The following PTPRN2 variants were observed in gnomAD, a reference collection of about 807,000 sequenced individuals.
PTPRN2 encodes the protein receptor-type tyrosine-protein phosphatase N2.
PTPRN2 carries 74 observed loss-of-function variants against 118.8 expected under a neutral mutation model. That is an observed-to-expected ratio of 0.62 (90% CI 0.52 to 0.76). The LOEUF is 0.76. Among genes scored for constraint, PTPRN2 ranks in the 30% least tolerant of loss-of-function variants. PTPRN2 has a pLI of 0.00. For missense variants in PTPRN2, 1,481 were observed against 1,394.4 expected (o/e 1.06, Z -0.99); for synonymous variants, 641 against 608.0 (o/e 1.05, Z -0.80).
At chr7:158,405,921 C>A (rs13306928) in intron 2 of PTPRN2, among the ~76,000 whole-genome samples, 1 of 135,052 alleles carries the variant, frequency 7.4e-6, no homozygotes, top group African/African-American at 2.8e-5. Flanking sequence ...CCGTGAGACA[C>A]GTGGCCGCAC....
At chr7:158,375,230 C>T (rs1810406386) in intron 2 of PTPRN2, among the ~76,000 whole-genome samples, 1 of 152,204 alleles carries the variant, frequency 6.6e-6, no homozygotes, top group Non-Finnish European at 1.5e-5. Flanking sequence ...CAGAATTATA[C>T]CAGGCAAGTG....
chr7:158,490,468 C>T (rs569998378), intron 1 of PTPRN2, among the ~76,000 whole-genome samples: 13 of 152,342 alleles, frequency 8.5e-5, no homozygotes, highest in African/African-American at 2.9e-4. Context: ...CAGGCGACCC[C>T]AAGCCACGCA....
intron 10 of PTPRN2, among the ~76,000 whole-genome samples, chr7:158,089,591 ACACAAACCT>A (rs1813838938): frequency 1.7e-5 from 1 of 57,224 alleles, no homozygotes; most frequent in East Asian, 9.8e-4. Flanking sequence ...GGGAGTCTTC[ACACAAACCT>A]TCTTCCCCTG....
Position 157,560,964 on chromosome 7 carries a change from C to T in PTPRN2, c.2902+7938G>A, listed in dbSNP as rs540552536. 6.6e-6 allele frequency among the ~76,000 whole-genome samples: 1 copy of T among 152,320 alleles called. No homozygotes were observed. The highest frequency in any genetic ancestry group is 6.5e-5 in the Admixed American group (1 of 15,296). ...GCCTCATGCACCTGCACCTCCTTCT[C>T]TTGGTGCCTGCGCCCAAATGTGTGG... On this transcript the variant is annotated intron_variant, in intron 21 of 22. Coordinates refer to ENST00000389418, the MANE Select transcript of PTPRN2 (RefSeq NM_002847.5). The surrounding 1 kb of genome is among the most constrained non-coding windows in gnomAD (Gnocchi z 6.7).
At chr7:158,071,310 CCCA>C (rs1269991699) in intron 11 of PTPRN2, among the ~76,000 whole-genome samples, 7 of 89,698 alleles carry the variant, frequency 7.8e-5, no homozygotes, top group Admixed American at 1.2e-4. Context: ...GGTGGAGGTG[CCCA>C]TGGTAGTGGA....
rs1802836535 is a variant in PTPRN2 at position 157,617,224 on chromosome 7, AGC to A, written c.2344+4136_2344+4137del. 1.3e-5 allele frequency: 2 copies of A among 152,206 alleles called. No individual in the cohort carries two copies. Among genetic ancestry groups the A allele is most frequent in the Admixed American group, 1.3e-4 (2 of 15,282 alleles). 9.4% of individuals were successfully genotyped at this position (152,206 alleles called of 1,614,324 possible). On this transcript the variant is annotated intron_variant, in intron 15 of 22. Transcript: ENST00000389418. This position sits in a 1 kb window ranked among gnomAD's most constrained non-coding sequence, Gnocchi z 7.5. Reference sequence around the variant, plus strand: ...GTTAGGACACTGCTCACGCAGCTGCAGCGCAGAGCACGGGGGACGCTGGCTCA... The same window carrying A: ...GTTAGGACACTGCTCACGCAGCTGCAGCAGAGCACGGGGGACGCTGGCTCA...
At chr7:158,535,338 G>A (rs145970461) in intron 1 of PTPRN2, among the ~76,000 whole-genome samples, 10 of 152,248 alleles carry the variant, frequency 6.6e-5, no homozygotes, top group South Asian at 4.2e-4. Flanking sequence ...GCGTGAATTC[G>A]GGTAAGTTTC....
intron 2 of PTPRN2, among the ~76,000 whole-genome samples, chr7:158,394,344 T>C (rs1017489310): frequency 6.6e-6 from 1 of 152,182 alleles, no homozygotes; most frequent in African/African-American, 2.4e-5. Flanking sequence ...AATCCATGGC[T>C]GCTTTCAGGG....
chr7:157,682,607 C>T, intron 13 of PTPRN2, 118 bp downstream of exon 13: 1 of 1,099,080 alleles, frequency 9.1e-7, no homozygotes, highest in Non-Finnish European at 1.3e-6. Flanking sequence ...ATAAAAGACC[C>T]CAAACTATGA....
At chr7:157,555,803 G>T (rs1262105112) in intron 21 of PTPRN2, among the ~76,000 whole-genome samples, 1 of 152,208 alleles carries the variant, frequency 6.6e-6, no homozygotes, top group Non-Finnish European at 1.5e-5. Flanking sequence ...CTGAAGAAAA[G>T]CTTGGTCCTA....
intron 2 of PTPRN2, among the ~76,000 whole-genome samples, chr7:158,396,591 A>G (rs1563242389): frequency 6.6e-6 from 1 of 152,064 alleles, no homozygotes; most frequent in Non-Finnish European, 1.5e-5. Flanking sequence ...CCAGGATGTT[A>G]GAGGCCACCC....
rs1812830827 is a variant in PTPRN2 at position 158,081,380 on chromosome 7, G to A, written c.1644-3C>T. ...AGGTCACTGCTGGTCCGAGAACCCT[G>A]GAAGGGATAATTTAAAATAAGTTCA... On this transcript the variant is annotated splice_region_variant and splice_polypyrimidine_tract_variant and intron_variant, in intron 10 of 22. Coordinates refer to ENST00000389418, the MANE Select transcript of PTPRN2 (RefSeq NM_002847.5). 1.2e-6 allele frequency: 2 copies of A among 1,613,796 alleles called. No individual in the cohort carries two copies. Among genetic ancestry groups the A allele is most frequent in the African/African-American group, 2.7e-5 (2 of 75,030 alleles).
intron 5 of PTPRN2, among the ~76,000 whole-genome samples, chr7:158,188,111 C>T (rs138118733): frequency 0.013 from 1,920 of 151,602 alleles, 32 homozygotes; most frequent in Non-Finnish European, 0.018. Flanking sequence ...GAGCTCCCAA[C>T]GGAAGGGATG....
chr7:158,501,216 C>T (rs948418959), intron 1 of PTPRN2, among the ~76,000 whole-genome samples: 2 of 152,262 alleles, frequency 1.3e-5, no homozygotes, highest in Non-Finnish European at 2.9e-5. Flanking sequence ...ATCATCACTC[C>T]TTCCTGGAAG....
At chr7:157,900,215 G>T (rs925791288) in intron 11 of PTPRN2, among the ~76,000 whole-genome samples, 1 of 152,194 alleles carries the variant, frequency 6.6e-6, no homozygotes, top group Non-Finnish European at 1.5e-5. Context: ...GGTCAGGCTC[G>T]GCAGGCCCAC....
At position 158,270,859 on chromosome 7, in the gene PTPRN2, C is replaced by A. The variant is rs1372343890; in HGVS notation, c.277+45960G>T. 3.9e-4 allele frequency among the ~76,000 whole-genome samples: 22 copies of A among 56,622 alleles called. 3 individuals carry two copies. Among genetic ancestry groups the A allele is most frequent in the Middle Eastern group, 9.6e-3 (1 of 104 alleles). The allele number at this position is 56,622 out of a possible 152,430, so 37.1% of individuals were successfully genotyped here. On this transcript the variant is annotated intron_variant, in intron 3 of 22. Coordinates refer to ENST00000389418, the MANE Select transcript of PTPRN2 (RefSeq NM_002847.5). ...GACCCCCTCACCTGGACCGCCCCCC[C>A]ACCTGGACCGCCCCCTCCACCTGGA...
At chr7:158,257,644 C>T (rs1393069388) in intron 3 of PTPRN2, among the ~76,000 whole-genome samples, 1 of 152,234 alleles carries the variant, frequency 6.6e-6, no homozygotes, top group Non-Finnish European at 1.5e-5. Context: ...AAGCCCACTT[C>T]GCTCAGCCTG....
chr7:158,241,877 A>G (rs536504825), intron 3 of PTPRN2, among the ~76,000 whole-genome samples: 88 of 152,332 alleles, frequency 5.8e-4, no homozygotes, highest in Non-Finnish European at 9.6e-4. Context: ...CAAAGTGCAT[A>G]TGGTCCTGGA....
intron 12 of PTPRN2, among the ~76,000 whole-genome samples, chr7:157,838,354 G>A (rs545976100): frequency 9.3e-5 from 14 of 150,016 alleles, no homozygotes; most frequent in African/African-American, 2.2e-4. Context: ...CTCTCGTAGT[G>A]GATGGCATGG....
Sources: gnomAD v4.1 joint callset for allele counts (sites outside exome capture counted in the v4.1 genomes callset) on GRCh38, gnomAD v4.1.1 for gene constraint, Gnocchi (gnomAD v3.1) non-coding constraint, MANE v1.5 for transcripts, NCBI Gene and HGNC (gene_info 2026-07-23, HGNC 2026-07-21) for gene names.